The following GARNL3 variants were observed in gnomAD, a reference collection of about 807,000 sequenced individuals.
The protein encoded by GARNL3 is GTPase activating Rap/RanGAP domain like 3, also known as GTPase-activating Rap/Ran-GAP domain-like protein 3.
A neutral mutation model predicts 125.0 loss-of-function variants in GARNL3; 63 were observed. The ratio of observed to expected loss-of-function variants is 0.50; its 90% CI spans 0.41 to 0.62. The LOEUF (loss-of-function observed/expected upper bound fraction) is 0.62. Among genes scored for constraint, GARNL3 ranks in the 20% least tolerant of loss-of-function variants. The pLI, the probability that GARNL3 is intolerant of heterozygous loss-of-function variation, is 0.00. For missense variants in GARNL3, 994 were observed against 1,244.0 expected (o/e 0.80, Z 3.02); for synonymous variants, 439 against 457.5 (o/e 0.96, Z 0.52).
intron 17 of GARNL3, among the ~76,000 whole-genome samples, chr9:127,351,116 C>T (rs1333092169): frequency 6.6e-6 from 1 of 152,196 alleles, no homozygotes; most frequent in Non-Finnish European, 1.5e-5. Context: ...AGAATGTTCA[C>T]TCCTTCCCTT....
At chr9:127,293,432 G>A (rs2064487587) in intron 2 of GARNL3, among the ~76,000 whole-genome samples, 1 of 152,008 alleles carries the variant, frequency 6.6e-6, no homozygotes, top group Non-Finnish European at 1.5e-5. Flanking sequence ...TCTTGGTTGT[G>A]TCCTTTGAAG....
At chr9:127,256,841 G>A (rs2063503580) in intron 2 of GARNL3, among the ~76,000 whole-genome samples, 1 of 152,188 alleles carries the variant, frequency 6.6e-6, no homozygotes, top group Non-Finnish European at 1.5e-5. Flanking sequence ...ATCCACTGAT[G>A]TTTAGATTTG....
At chr9:127,245,180 C>T (rs2063277124) in intron 2 of GARNL3, among the ~76,000 whole-genome samples, 1 of 152,234 alleles carries the variant, frequency 6.6e-6, no homozygotes, top group African/African-American at 2.4e-5. Context: ...GGCCCGCTGC[C>T]TTTCCAGACT....
At chr9:127,300,503 G>A (rs769279226) in intron 2 of GARNL3, 33 of 374,132 alleles carry the variant, frequency 8.8e-5, no homozygotes, top group Non-Finnish European at 1.5e-4. Flanking sequence ...GACGTAGGCT[G>A]GAGTGCAGTG....
At position 127,386,492 on chromosome 9, in the gene GARNL3, G is replaced by A. The variant is rs141934999; in HGVS notation, c.2389-701G>A. Among the ~76,000 whole-genome samples, 59 of 152,308 alleles carry A rather than the reference G, an allele frequency of 3.9e-4. No homozygotes were observed. In the East Asian group the frequency reaches 8.1e-3, roughly 21 times the overall value. On this transcript the variant is annotated intron_variant, in intron 24 of 27. Transcript: ENST00000373387. ...CCACTGCAGGTGGTGCTGGGGAGAC[G>A]TGCATTATCCCCCATGGTGCAGTAT...
At chr9:127,329,854 T>C (rs867376423) in intron 7 of GARNL3, among the ~76,000 whole-genome samples, 14 of 152,198 alleles carry the variant, frequency 9.2e-5, no homozygotes, top group African/African-American at 2.9e-4. Flanking sequence ...ATGGACTCAG[T>C]GGACTATAGG....
In GARNL3 at chr9:127,360,270, C is replaced by A. The variant is rs187880701; in HGVS notation, c.2094+2893C>A. Reference sequence around the variant, plus strand: ...TCTCCTGACCTCGTGATCCCGCCCACCTTGGCCTCCCAAAGTGCTAGGATT... The same window carrying A: ...TCTCCTGACCTCGTGATCCCGCCCAACTTGGCCTCCCAAAGTGCTAGGATT... On this transcript the variant is annotated intron_variant, in intron 21 of 27. Coordinates refer to ENST00000373387, the MANE Select transcript of GARNL3 (RefSeq NM_032293.5). Among the ~76,000 whole-genome samples, 96 of 152,258 alleles carry A rather than the reference C, an allele frequency of 6.3e-4. 1 individual carries two copies. The highest frequency in any genetic ancestry group is 1.3e-3 in the Non-Finnish European group (85 of 67,998).
At chr9:127,294,944 C>T (rs1442612254) in intron 2 of GARNL3, among the ~76,000 whole-genome samples, 1 of 152,122 alleles carries the variant, frequency 6.6e-6, no homozygotes, top group East Asian at 1.9e-4. Flanking sequence ...GACCATGGTG[C>T]AAAGAAACAG....
intron 9 of GARNL3, among the ~76,000 whole-genome samples, chr9:127,334,603 A>G (rs544664888): frequency 6.6e-6 from 1 of 152,296 alleles, no homozygotes; most frequent in Non-Finnish European, 1.5e-5. Flanking sequence ...AGCGTCTCCA[A>G]TATGGTCATA....
intron 1 of GARNL3, among the ~76,000 whole-genome samples, chr9:127,284,068 TATGTGGCTCTC>T (rs1339025246): frequency 3.3e-5 from 5 of 152,320 alleles, no homozygotes; most frequent in Admixed American, 2.6e-4. Context: ...GTGTGGCTCT[TATGTGGCTCTC>T]ATGTGGCTCT....
At chr9:127,262,287 G>C (rs2063610123), upstream of GARNL3, among the ~76,000 whole-genome samples, 1 of 152,188 alleles carries the variant, frequency 6.6e-6, no homozygotes, top group Admixed American at 6.5e-5. Context: ...TTCTAGTACA[G>C]ATGTTTTTTG....
chr9:127,229,320 C>A (rs576635885), intron 1 of GARNL3, among the ~76,000 whole-genome samples: 4 of 152,128 alleles, frequency 2.6e-5, no homozygotes, highest in Non-Finnish European at 5.9e-5. Context: ...TGCCCCTGCT[C>A]CAGGCCTGTT....
At chr9:127,313,354 G>A in intron 3 of GARNL3, 87 bp from the exon 4 acceptor site, 1 of 904,400 alleles carries the variant, frequency 1.1e-6, no homozygotes, top group South Asian at 1.3e-5. Flanking sequence ...CATGTGGGAA[G>A]GGCTGGACAC....
chr9:127,383,496 T>C lies in GARNL3; in HGVS notation c.2220T>C (p.Pro740=), dbSNP rs762241655. Residue 740 remains proline, a synonymous_variant, in exon 23 of 28, where the codon CCT becomes CCC. Transcript: ENST00000373387. The stretch of plus-strand genomic sequence containing the variant: ...ATGGTGGCTCTTTTTTGGTTCAACC[T>C]TCTGCGTCAGATTTCCAGTTCTGTT... ...PFNGGSFLVQ[P]SASDFQFCWN... is the part of the protein sequence containing the mutation. The C allele has an allele frequency of 6.2e-7, 1 of 1,613,824 alleles. No homozygotes were observed.
intron 26 of GARNL3, among the ~76,000 whole-genome samples, chr9:127,389,912 C>G (rs951474064): frequency 7.3e-6 from 1 of 136,958 alleles, no homozygotes; most frequent in Non-Finnish European, 1.5e-5. Context: ...CAGAGTGACA[C>G]CCTGTCTTTA....
intron 2 of GARNL3, among the ~76,000 whole-genome samples, chr9:127,293,753 G>A (rs1349242433): frequency 1.3e-5 from 2 of 152,102 alleles, no homozygotes; most frequent in African/African-American, 4.8e-5. Flanking sequence ...CTGATTGTGT[G>A]CTACTTATTG....
At chr9:127,362,348 A>G (rs138944152) in intron 21 of GARNL3, 2,158 of 152,084 alleles carry the variant, frequency 0.014, 59 homozygotes, top group African/African-American at 0.049. Context: ...CTGGGATTAC[A>G]GGCATGAGCC....
chr9:127,291,176 C>A lies in GARNL3; in HGVS notation c.153C>A (p.Ser51=). 6.2e-7 allele frequency: 1 copy of A among 1,614,016 alleles called. No homozygotes were observed. The highest frequency in any genetic ancestry group is 8.5e-7 in the Non-Finnish European group (1 of 1,179,954). Residue 51 remains serine (S), a synonymous_variant, in exon 2 of 28, where the codon TCC becomes TCA. Coordinates refer to ENST00000373387, the MANE Select transcript of GARNL3 (RefSeq NM_032293.5). The stretch of plus-strand genomic sequence containing the variant: ...TGCTTTTTCCCCCCTAGCTTATTTC[C>A]AGTGATGCTGATGGAGCCATCCAAA... ...KHYGSVELLI[S]SDADGAIQRA... is the part of the protein sequence containing the mutation.
At position 127,393,413 on chromosome 9, in the gene GARNL3, C is replaced by T. The variant is rs975219068; in HGVS notation, c.*159C>T. 6.8e-5 allele frequency: 36 copies of T among 531,174 alleles called. No homozygotes were observed. The highest frequency in any genetic ancestry group is 3.9e-4 in the African/African-American group (21 of 53,708). 32.9% of individuals were successfully genotyped at this position (531,174 alleles called of 1,614,324 possible). A position where few individuals can be genotyped will look rare whatever the true frequency, so the allele number is the denominator to read the frequency against. ...CTCGGCCAGTTCCCTCTCCAATGTC[C>T]GGTGCCATCTTTCCTGACCTTTGTT... On this transcript the variant is annotated 3_prime_UTR_variant, in exon 28 of 28. Transcript: ENST00000373387.
Sources: gnomAD v4.1 joint callset for allele counts (sites outside exome capture counted in the v4.1 genomes callset) on GRCh38, gnomAD v4.1.1 for gene constraint, MANE v1.5 for transcripts, NCBI Gene and HGNC (gene_info 2026-07-23, HGNC 2026-07-21) for gene names.